The following SAMD12 variants were observed in gnomAD, a reference collection of about 807,000 sequenced individuals.
SAMD12 encodes sterile alpha motif domain containing 12.
In SAMD12, 9 loss-of-function variants were observed where a neutral mutation model predicts 15.0. The observed-to-expected ratio is 0.60, with a 90% CI of 0.36 to 1.05. The LOEUF (loss-of-function observed/expected upper bound fraction) is 1.05, where lower values mean the gene tolerates loss of function less well. Among genes scored for constraint, SAMD12 ranks in the 50% least tolerant of loss-of-function variants. The pLI is 0.01. For synonymous variants in SAMD12, 86 were observed against 90.1 expected (o/e 0.96, Z 0.25); for missense variants, 230 against 234.2 (o/e 0.98, Z 0.12).
intron 3 of SAMD12, among the ~76,000 whole-genome samples, chr8:118,428,709 G>T (rs532745998): frequency 1.3e-5 from 2 of 152,144 alleles, no homozygotes; most frequent in East Asian, 3.9e-4. Context: ...TCTCTCGTTG[G>T]ATTGCTTTGG....
chr8:118,132,830 T>G, the SAMD12 span, among the ~76,000 whole-genome samples: 2 of 151,594 alleles, frequency 1.3e-5, no homozygotes, highest in Non-Finnish European at 2.9e-5. Flanking sequence ...ACATATGTTT[T>G]TATTACCCAA....
chr8:118,594,020 C>A (rs1345932774), intron 1 of SAMD12, among the ~76,000 whole-genome samples: 2 of 152,182 alleles, frequency 1.3e-5, no homozygotes, highest in Non-Finnish European at 2.9e-5. Flanking sequence ...CTGTCCCCCA[C>A]ACTGATTGCT....
Position 118,538,215 on chromosome 8 carries a change from T to C in SAMD12, c.192+42500A>G, listed in dbSNP as rs1586798957. The stretch of plus-strand genomic sequence containing the variant: ...CTCTCTTTCTCTCTCTCCCTCTCTC[T>C]GGGATTGGGGAGGGGTGGTGCAAGC... On this transcript the variant is annotated intron_variant, in intron 2 of 3. Coordinates refer to ENST00000314727, the MANE Select transcript of SAMD12 (RefSeq NM_207506.3). 2.6e-5 allele frequency among the ~76,000 whole-genome samples: 4 copies of C among 152,226 alleles called. No homozygotes were observed. The South Asian group carries it at 6.2e-4, about 24-fold the overall frequency.
chr8:118,579,746 C>G (rs914079597), intron 2 of SAMD12, among the ~76,000 whole-genome samples: 3 of 152,078 alleles, frequency 2.0e-5, no homozygotes, highest in Non-Finnish European at 2.9e-5. Flanking sequence ...TTTGCTCAAC[C>G]AACATTTGAA....
chr8:118,551,899 G>T (rs200141137), intron 2 of SAMD12, among the ~76,000 whole-genome samples: 1 of 145,224 alleles, frequency 6.9e-6, no homozygotes, highest in Non-Finnish European at 1.5e-5. Context: ...CTACAAATAC[G>T]TCTACGCAAA....
intron 4 of SAMD12, among the ~76,000 whole-genome samples, chr8:118,314,802 A>G (rs1815805416): frequency 6.6e-6 from 1 of 152,168 alleles, no homozygotes; most frequent in South Asian, 2.1e-4. Flanking sequence ...ACTGAAGGAT[A>G]ACCTTACACC....
chr8:118,181,818 A>C, the SAMD12 span, among the ~76,000 whole-genome samples: 1 of 152,216 alleles, frequency 6.6e-6, no homozygotes, highest in African/African-American at 2.4e-5. Flanking sequence ...AGTTATTAGA[A>C]GGATTAAATA....
intron 2 of SAMD12, among the ~76,000 whole-genome samples, chr8:118,552,692 A>C (rs557119970): frequency 3.3e-5 from 5 of 152,318 alleles, no homozygotes; most frequent in African/African-American, 4.8e-5. Flanking sequence ...GCAATTAGGC[A>C]GGAGAAGGAA....
At chr8:118,248,573 C>T (rs1247119088) in intron 4 of SAMD12, among the ~76,000 whole-genome samples, 1 of 151,954 alleles carries the variant, frequency 6.6e-6, no homozygotes, top group Non-Finnish European at 1.5e-5. Flanking sequence ...GCTCATTAGG[C>T]ATTAGCTCAC....
intron 4 of SAMD12, chr8:118,284,632 A>C (rs1799568881): frequency 4.2e-6 from 1 of 239,500 alleles, no homozygotes. Context: ...AAAATGGGCT[A>C]CAGGAGAATC....
chr8:118,376,674 G>A (rs1213877655), downstream of SAMD12, among the ~76,000 whole-genome samples: 1 of 152,116 alleles, frequency 6.6e-6, no homozygotes, highest in Non-Finnish European at 1.5e-5. Context: ...CGTGAGCCAT[G>A]GAAGGATACT....
At chr8:118,175,791 C>CA in the SAMD12 span, among the ~76,000 whole-genome samples, 1 of 152,170 alleles carries the variant, frequency 6.6e-6, no homozygotes, top group South Asian at 2.1e-4. Flanking sequence ...AATGATATAT[C>CA]ATATCACACT....
intron 2 of SAMD12, among the ~76,000 whole-genome samples, chr8:118,548,749 G>A (rs1259023619): frequency 6.6e-6 from 1 of 152,244 alleles, no homozygotes; most frequent in African/African-American, 2.4e-5. Flanking sequence ...GAAGTGCAAG[G>A]GGTCAGGGAG....
chr8:118,377,034 T>G (rs992411091), downstream of SAMD12, among the ~76,000 whole-genome samples: 1 of 152,160 alleles, frequency 6.6e-6, no homozygotes, highest in Admixed American at 6.5e-5. Flanking sequence ...TTTCCTTTTT[T>G]TTTTAAAAAA....
At chr8:118,621,407 A>AG (rs1263035191) in intron 1 of SAMD12, 1 of 282,460 alleles carries the variant, frequency 3.5e-6, no homozygotes, top group Non-Finnish European at 6.8e-6. Flanking sequence ...CTCCCACGTG[A>AG]GGGGGGCCAA....
At chr8:118,284,755 A>T (rs1375405029) in intron 4 of SAMD12, 1 of 162,852 alleles carries the variant, frequency 6.1e-6, no homozygotes, top group East Asian at 1.8e-4. Context: ...ATCCTGGCTA[A>T]CACGGTGAAA....
intron 4 of SAMD12, among the ~76,000 whole-genome samples, chr8:118,322,003 T>G (rs1231917798): frequency 6.6e-6 from 1 of 152,192 alleles, no homozygotes; most frequent in Non-Finnish European, 1.5e-5. Context: ...ATTCAAATTG[T>G]CTTGCAATCT....
rs764839621 is a variant in SAMD12 at position 118,361,672 on chromosome 8, C to G, written c.433+17888G>C. On this transcript the variant is annotated intron_variant, in intron 4 of 4. Transcript: ENST00000409003. The stretch of plus-strand genomic sequence containing the variant: ...CATCACTTTCCTGCCCTAACACACA[C>G]AGACGCACGTGTGTGCAACAACATA... Among the ~76,000 whole-genome samples, 3 of 152,208 alleles carry G rather than the reference C, an allele frequency of 2.0e-5. No homozygotes were observed. In the South Asian group the frequency reaches 6.2e-4, roughly 32 times the overall value.
At chr8:118,516,029 G>T (rs1825235390) in intron 2 of SAMD12, among the ~76,000 whole-genome samples, 1 of 152,214 alleles carries the variant, frequency 6.6e-6, no homozygotes, top group Non-Finnish European at 1.5e-5. Flanking sequence ...ATATATATGA[G>T]AACTGTGATT....
Sources: allele counts gnomAD v4.1 joint callset (sites outside exome capture counted in the v4.1 genomes callset), GRCh38; gene constraint gnomAD v4.1.1; transcripts MANE v1.5; gene names NCBI Gene and HGNC (gene_info 2026-07-23, HGNC 2026-07-21).